Variants in FGF14 observed in about 807,000 individuals in gnomAD.
The protein encoded by FGF14 is fibroblast growth factor homologous factor 4.
In FGF14, 5 loss-of-function variants were observed where a neutral mutation model predicts 25.5. The observed-to-expected ratio is 0.20, with a 90% CI of 0.10 to 0.41. FGF14 has a LOEUF of 0.41. Ranked by LOEUF, FGF14 falls within the 10% of genes least tolerant of loss-of-function variation. The pLI is 1.00. For missense variants in FGF14, 222 were observed against 320.1 expected (o/e 0.69, Z 2.34); for synonymous variants, 138 against 118.3 (o/e 1.17, Z -1.08).
chr13:102,066,372 GTTCTTAATT>G (rs1464032550), intron 1 of FGF14, among the ~76,000 whole-genome samples: 1 of 152,030 alleles, frequency 6.6e-6, no homozygotes. Flanking sequence ...TTTGCATCAG[GTTCTTAATT>G]TTCAACTGGA....
intron 1 of FGF14, among the ~76,000 whole-genome samples, chr13:102,259,600 G>A (rs887493006): frequency 6.6e-6 from 1 of 152,064 alleles, no homozygotes; most frequent in Non-Finnish European, 1.5e-5. Flanking sequence ...CCCTGTGGGA[G>A]CCCTCCCCCC....
chr13:102,058,555 T>A (rs891564687), intron 1 of FGF14, among the ~76,000 whole-genome samples: 40 of 152,204 alleles, frequency 2.6e-4, no homozygotes, highest in Non-Finnish European at 5.1e-4. Context: ...ATATTTGCAT[T>A]GTAGAGAGTA....
chr13:101,740,382 C>CA (rs2036470756), intron 3 of FGF14, among the ~76,000 whole-genome samples: 1 of 152,048 alleles, frequency 6.6e-6, no homozygotes, highest in African/African-American at 2.4e-5. Context: ...AAAAGAGAGC[C>CA]AATTTGGATA....
intron 1 of FGF14, among the ~76,000 whole-genome samples, chr13:102,306,450 G>A (rs1049069621): frequency 6.6e-6 from 1 of 152,024 alleles, no homozygotes; most frequent in Non-Finnish European, 1.5e-5. Flanking sequence ...AGGCCTTCTG[G>A]AAAAAATAGG....
chr13:102,077,983 A>G (rs983563965), intron 1 of FGF14, among the ~76,000 whole-genome samples: 3 of 152,186 alleles, frequency 2.0e-5, no homozygotes, highest in African/African-American at 7.2e-5. Context: ...TTGTGTTTGC[A>G]ACAACATGGA....
At chr13:102,001,602 TATAG>T (rs1330432243) in intron 1 of FGF14, among the ~76,000 whole-genome samples, 1 of 152,190 alleles carries the variant, frequency 6.6e-6, no homozygotes, top group Non-Finnish European at 1.5e-5. Context: ...GAGCTGGGAA[TATAG>T]ATAAAGAGAT....
intron 1 of FGF14, among the ~76,000 whole-genome samples, chr13:102,310,938 C>A (rs1301134877): frequency 6.6e-6 from 1 of 151,962 alleles, no homozygotes; most frequent in Non-Finnish European, 1.5e-5. Context: ...CAGGGCGTGA[C>A]CTAATTCAAG....
At chr13:102,148,540 G>T (rs1245250955) in intron 1 of FGF14, among the ~76,000 whole-genome samples, 1 of 152,178 alleles carries the variant, frequency 6.6e-6, no homozygotes, top group Non-Finnish European at 1.5e-5. Flanking sequence ...CAGGCGCAGT[G>T]GCTCACACCT....
At chr13:102,206,468 G>A (rs1420599813) in intron 1 of FGF14, among the ~76,000 whole-genome samples, 1 of 152,006 alleles carries the variant, frequency 6.6e-6, no homozygotes, top group East Asian at 1.9e-4. Flanking sequence ...ATCACTGGAG[G>A]TCAGGAGTTC....
chr13:101,871,309 T>G (rs1432184049), intron 2 of FGF14, among the ~76,000 whole-genome samples: 1 of 152,188 alleles, frequency 6.6e-6, no homozygotes, highest in East Asian at 1.9e-4. Flanking sequence ...ACGTTAAAAC[T>G]AGCTGTGTTC....
chr13:101,865,429 C>T (rs1461382309), intron 3 of FGF14, among the ~76,000 whole-genome samples: 1 of 151,994 alleles, frequency 6.6e-6, no homozygotes, highest in Admixed American at 6.6e-5. Context: ...TCCTTGTAGC[C>T]CACACTGTAC....
intron 1 of FGF14, among the ~76,000 whole-genome samples, chr13:102,010,797 A>C (rs11838497): frequency 0.32 from 48,106 of 152,070 alleles, 8,547 homozygotes; most frequent in East Asian, 0.73. Context: ...CAAATGGCAG[A>C]ATGGTGAAAG....
At chr13:102,347,039 T>C (rs2057128998) in intron 1 of FGF14, among the ~76,000 whole-genome samples, 1 of 152,192 alleles carries the variant, frequency 6.6e-6, no homozygotes, top group East Asian at 1.9e-4. Flanking sequence ...CTGGAGCCCA[T>C]GTCCTATCAA....
chr13:101,807,944 A>T (rs1194151126), intron 3 of FGF14, among the ~76,000 whole-genome samples: 1 of 152,128 alleles, frequency 6.6e-6, no homozygotes, highest in Non-Finnish European at 1.5e-5. Context: ...TATTCTGCAT[A>T]ATACTGGTAG....
At chr13:102,020,594 G>A (rs528346214) in intron 1 of FGF14, among the ~76,000 whole-genome samples, 9 of 152,114 alleles carry the variant, frequency 5.9e-5, no homozygotes, top group Non-Finnish European at 1.3e-4. Context: ...AAGAGAGAGA[G>A]AGAAGAGCAG....
chr13:102,066,416 AAG>A (rs2042905903), intron 1 of FGF14, among the ~76,000 whole-genome samples: 1 of 152,194 alleles, frequency 6.6e-6, no homozygotes, highest in Admixed American at 6.5e-5. Flanking sequence ...TCAAAAATAA[AAG>A]AACCAGTTAA....
intron 1 of FGF14, among the ~76,000 whole-genome samples, chr13:102,326,639 G>A (rs977611053): frequency 1.2e-3 from 155 of 131,402 alleles, no homozygotes; most frequent in Non-Finnish European, 1.9e-3. Context: ...GAAAGGGAGG[G>A]AAAGGGAGGA....
chr13:101,762,258 A>C (rs2038076704), intron 3 of FGF14, among the ~76,000 whole-genome samples: 1 of 152,202 alleles, frequency 6.6e-6, no homozygotes, highest in South Asian at 2.1e-4. Context: ...GCAATGCAAT[A>C]TTTTGAAATA....
At chr13:102,349,429 T>C (rs2057208294) in intron 1 of FGF14, among the ~76,000 whole-genome samples, 2 of 152,222 alleles carry the variant, frequency 1.3e-5, no homozygotes, top group Non-Finnish European at 2.9e-5. Flanking sequence ...ATGTCAATGA[T>C]GAATATAATA....
Sources: allele counts gnomAD v4.1 joint callset (sites outside exome capture counted in the v4.1 genomes callset), GRCh38; gene constraint gnomAD v4.1.1; transcripts MANE v1.5; gene names NCBI Gene and HGNC (gene_info 2026-07-23, HGNC 2026-07-21).